The following SOS1 variants were observed in gnomAD, a reference collection of about 807,000 sequenced individuals.
The protein encoded by SOS1 is son of sevenless homolog 1.
Under a neutral mutation model 157.6 loss-of-function variants are expected in SOS1, and 25 were observed. The observed-to-expected ratio is 0.16, with a 90% CI of 0.12 to 0.22. The LOEUF is 0.22. Ranked by LOEUF, SOS1 falls within the 10% of genes least tolerant of loss-of-function variation. The probability of loss-of-function intolerance (pLI) is 1.00; values close to 1 mark genes in which losing one functional copy is unlikely to be tolerated. For synonymous variants in SOS1, 528 were observed against 534.0 expected (o/e 0.99, Z 0.16); for missense variants, 1,237 against 1,599.1 (o/e 0.77, Z 3.86).
At chr2:39,043,477 A>G (rs756842461) in intron 6 of SOS1, among the ~76,000 whole-genome samples, 21 of 152,196 alleles carry the variant, frequency 1.4e-4, no homozygotes, top group Non-Finnish European at 2.6e-4. Flanking sequence ...TATTCATTGT[A>G]ACAATTTGCA....
chr2:39,107,675 A>C (rs1490750107), intron 1 of SOS1, among the ~76,000 whole-genome samples: 3 of 146,818 alleles, frequency 2.0e-5, no homozygotes, highest in Non-Finnish European at 4.4e-5. Context: ...AAAAAAAAAA[A>C]AAAAAACCTA....
chr2:39,120,230 G>A (rs1010668756), intron 1 of SOS1, 106 bp downstream of exon 1: 1 of 1,023,034 alleles, frequency 9.8e-7, no homozygotes, highest in Non-Finnish European at 1.3e-6. Context: ...GACGCGGCGA[G>A]ACCGGGAAGA....
rs144021248 is a variant in SOS1, at chr2:38,991,407, A to C, written c.3347-2093T>G. Among the ~76,000 whole-genome samples, 84 of 152,302 alleles carry C rather than the reference A, an allele frequency of 5.5e-4. 1 individual carries two copies. The highest frequency in any genetic ancestry group is 4.1e-3 in the Admixed American group (62 of 15,298). On this transcript the variant is annotated intron_variant, in intron 20 of 22. Transcript: ENST00000402219. The stretch of plus-strand genomic sequence containing the variant: ...TGTTAAAGAGTCCCCTAAGGGATGG[A>C]AATGGAGAAGTCAGACCTCTGACTC...
At chr2:39,093,598 G>C (rs2148191746) in intron 1 of SOS1, among the ~76,000 whole-genome samples, 1 of 152,286 alleles carries the variant, frequency 6.6e-6, no homozygotes, top group South Asian at 2.1e-4. Flanking sequence ...AAATGAGAGG[G>C]AATGACAAGC....
chr2:39,115,809 G>A (rs1673628482), intron 1 of SOS1, among the ~76,000 whole-genome samples: 1 of 152,146 alleles, frequency 6.6e-6, no homozygotes, highest in African/African-American at 2.4e-5. Context: ...TTCACCTGTT[G>A]ACGAACATTG....
At position 38,985,629 on chromosome 2, in the gene SOS1, TA is replaced by T; in HGVS notation, c.*194del. ...CAATTCCTCTAGGTCGGTCTTTCCA[TA>T]TTCTAAACTGGAATACCATTTCCAT... On this transcript the variant is annotated 3_prime_UTR_variant, in exon 23 of 23. Transcript: ENST00000402219. 1.5e-6 allele frequency: 1 copy of T among 652,878 alleles called. No individual in the cohort carries two copies. Among genetic ancestry groups the T allele is most frequent in the Non-Finnish European group, 2.6e-6 (1 of 382,640 alleles). 40.4% of individuals were successfully genotyped at this position (652,878 alleles called of 1,614,324 possible).
At chr2:39,068,815 T>A (rs1671680829) in intron 1 of SOS1, among the ~76,000 whole-genome samples, 1 of 152,128 alleles carries the variant, frequency 6.6e-6, no homozygotes, top group African/African-American at 2.4e-5. Flanking sequence ...ATAAACAGCA[T>A]GATAGTCTTT....
chr2:39,123,648 G>A (rs1188697366), upstream of SOS1, among the ~76,000 whole-genome samples: 3 of 151,910 alleles, frequency 2.0e-5, no homozygotes, highest in Non-Finnish European at 2.9e-5. Flanking sequence ...GTGAGCCACC[G>A]CGCCCGGCCG....
intron 8 of SOS1, among the ~76,000 whole-genome samples, chr2:39,032,562 G>T (rs1032909591): frequency 6.6e-6 from 1 of 152,166 alleles, no homozygotes; most frequent in Admixed American, 6.5e-5. Context: ...ATAGGTATGA[G>T]AATTCAAAGA....
chr2:39,086,506 T>C (rs909789764), intron 1 of SOS1, among the ~76,000 whole-genome samples: 8 of 152,220 alleles, frequency 5.3e-5, no homozygotes, highest in Non-Finnish European at 2.9e-5. Context: ...TAGATATTGG[T>C]AAGCAAGCCT....
Position 39,022,983 on chromosome 2 carries a change from C to A in SOS1, c.1445G>T (p.Gly482Val). 6.2e-7 allele frequency: 1 copy of A among 1,613,788 alleles called. No individual in the cohort carries two copies. The change falls in exon 10 of 23, where the codon GGT becomes GTT. Residue 482 changes from glycine to valine, a missense_variant. Physicochemically the swap from Gly to Val is moderately radical, Grantham distance 109. This residue lies in a region of SOS1 where 210 missense variants were observed against 220.2 expected (regional missense o/e 0.95). Coordinates refer to ENST00000402219, the MANE Select transcript of SOS1 (RefSeq NM_005633.4). The stretch of plus-strand genomic sequence containing the variant: ...AAGACGATATTCTGCATTGCTAGCA[C>A]CAGGAAGTCTTGGCTGCCCATGATT... The part of the protein sequence containing the change: ...KSNHGQPRLP[G>V]ASNAEYRLKE...
In SOS1 at chr2:39,043,747, TAA is replaced by T. The variant is rs972971561; in HGVS notation, c.864+7395_864+7396del. ...CAGCTCAGGTCTCTTTCTCTTTTTA[TAA>T]AAACAGGCCTGACATCATGGGGGCC... On this transcript the variant is annotated intron_variant, in intron 6 of 22. Coordinates refer to ENST00000402219, the MANE Select transcript of SOS1 (RefSeq NM_005633.4). 9.2e-5 allele frequency among the ~76,000 whole-genome samples: 14 copies of T among 152,236 alleles called. No homozygotes were observed. In the South Asian group the frequency reaches 2.9e-3, roughly 32 times the overall value.
chr2:38,990,218 T>G lies in SOS1; in HGVS notation c.3347-904A>C, dbSNP rs1423483791. ...GCAATCCCTCACATAATTTGGAATA[T>G]TAAGTTTATTCAAGCATATTTGGTC... On this transcript the variant is annotated intron_variant, in intron 20 of 22. Transcript: ENST00000402219. Among the ~76,000 whole-genome samples, 6 of 151,896 alleles carry G rather than the reference T, an allele frequency of 4.0e-5. No individual in the cohort carries two copies. The South Asian group carries it at 1.0e-3, about 26-fold the overall frequency.
At chr2:39,122,435 C>A (rs572620738), upstream of SOS1, among the ~76,000 whole-genome samples, 366 of 100,652 alleles carry the variant, frequency 3.6e-3, 3 homozygotes, top group African/African-American at 0.014. Flanking sequence ...CGTTTCAATT[C>A]AAAAAAAAAT....
intron 1 of SOS1, among the ~76,000 whole-genome samples, chr2:39,090,721 A>C (rs1344470897): frequency 6.6e-6 from 1 of 152,112 alleles, no homozygotes; most frequent in Non-Finnish European, 1.5e-5. Context: ...ACAAACAAAC[A>C]AACAAAAACT....
At chr2:39,020,563 G>C (rs1028788142) in intron 10 of SOS1, among the ~76,000 whole-genome samples, 1 of 151,590 alleles carries the variant, frequency 6.6e-6, no homozygotes, top group Admixed American at 6.6e-5. Flanking sequence ...TTTCTCTTTG[G>C]GGAGGCTGAA....
At chr2:39,032,218 G>A (rs760635439) in intron 8 of SOS1, among the ~76,000 whole-genome samples, 14 of 152,010 alleles carry the variant, frequency 9.2e-5, no homozygotes, top group Admixed American at 8.5e-4. Flanking sequence ...CATGATGTAC[G>A]ATAGATCTCT....
intron 1 of SOS1, among the ~76,000 whole-genome samples, chr2:39,091,240 G>A (rs1406944531): frequency 6.6e-6 from 1 of 152,172 alleles, no homozygotes; most frequent in Non-Finnish European, 1.5e-5. Flanking sequence ...CCTTTGTGCA[G>A]TGAGAGTGTA....
Position 39,024,108 on chromosome 2 carries a change from T to G in SOS1, c.1104A>C (p.Glu368Asp). Residue 368 changes from glutamate (E) to aspartate (D), a missense_variant, in exon 9 of 23, where the codon GAA becomes GAC. Glu to Asp is a conservative substitution (Grantham distance 45). Coordinates refer to ENST00000402219, the MANE Select transcript of SOS1 (RefSeq NM_005633.4). ...KQLEEKSEDQ[E>D]DKECLKQAIT... ...TTGCTTGTTTTAAACATTCCTTGTC[T>G]TCTTGATCTTCACTTTTTTCTTCTA... 6.2e-7 allele frequency: 1 copy of G among 1,610,766 alleles called. No individual in the cohort carries two copies. Among genetic ancestry groups the G allele is most frequent in the African/African-American group, 1.3e-5 (1 of 74,996 alleles).
Sources: allele counts gnomAD v4.1 joint callset (sites outside exome capture counted in the v4.1 genomes callset), GRCh38; gene constraint gnomAD v4.1.1; regional missense constraint gnomAD v4.1.1; transcripts MANE v1.5; gene names NCBI Gene and HGNC (gene_info 2026-07-23, HGNC 2026-07-21).